Variants in RNF38 observed in about 807,000 individuals in gnomAD.
RNF38 encodes ring finger protein 38.
RNF38 carries 15 observed loss-of-function variants against 67.2 expected under a neutral mutation model. The observed-to-expected ratio is 0.22, with a 90% CI of 0.15 to 0.34. The LOEUF is 0.34. RNF38 is among the 10% of genes least tolerant of loss of function. The pLI is 1.00. For synonymous variants in RNF38, 220 were observed against 218.8 expected (o/e 1.01, Z -0.05); for missense variants, 524 against 639.9 (o/e 0.82, Z 1.95).
At chr9:36,345,432 T>C (rs1833157559) in intron 9 of RNF38, among the ~76,000 whole-genome samples, 1 of 152,200 alleles carries the variant, frequency 6.6e-6, no homozygotes. Context: ...GATAATTCTT[T>C]GTTGTCGGGG....
At chr9:36,452,571 T>C (rs926240212) in intron 1 of RNF38, among the ~76,000 whole-genome samples, 1 of 151,982 alleles carries the variant, frequency 6.6e-6, no homozygotes, top group African/African-American at 2.4e-5. Flanking sequence ...TCTCACTCTG[T>C]TGCCCAGGCT....
intron 2 of RNF38, among the ~76,000 whole-genome samples, chr9:36,378,227 A>T (rs1487996751): frequency 7.6e-6 from 1 of 131,176 alleles, no homozygotes; most frequent in Non-Finnish European, 1.5e-5. Context: ...CCCAGGCTGG[A>T]GTTCAGTGAC....
upstream of RNF38, among the ~76,000 whole-genome samples, chr9:36,404,769 C>T (rs1409958870): frequency 6.6e-6 from 1 of 152,074 alleles, no homozygotes; most frequent in East Asian, 1.9e-4. Flanking sequence ...ACTGGCTGTT[C>T]CATTTCTTTC....
chr9:36,371,302 G>A (rs1477273167), intron 3 of RNF38, among the ~76,000 whole-genome samples: 1 of 152,126 alleles, frequency 6.6e-6, no homozygotes, highest in Non-Finnish European at 1.5e-5. Flanking sequence ...AGGTGCTCTT[G>A]ATATTGTCCC....
At chr9:36,407,486 G>A (rs1838210772) in intron 2 of RNF38, among the ~76,000 whole-genome samples, 1 of 152,158 alleles carries the variant, frequency 6.6e-6, no homozygotes. Flanking sequence ...AAGTGCCTAG[G>A]ACAGCCAAGT....
chr9:36,421,247 A>G (rs757259788), intron 2 of RNF38, among the ~76,000 whole-genome samples: 26 of 152,246 alleles, frequency 1.7e-4, no homozygotes, highest in Non-Finnish European at 3.1e-4. Flanking sequence ...AGAATACCTA[A>G]GCAAATATTT....
At chr9:36,365,206 T>G (rs934299015) in intron 4 of RNF38, among the ~76,000 whole-genome samples, 4 of 134,940 alleles carry the variant, frequency 3.0e-5, no homozygotes, top group Non-Finnish European at 6.3e-5. Context: ...TTCTATTATG[T>G]GCCGCTTTTA....
chr9:36,419,376 T>C (rs1281100093), intron 2 of RNF38, among the ~76,000 whole-genome samples: 2 of 152,202 alleles, frequency 1.3e-5, no homozygotes, highest in Non-Finnish European at 1.5e-5. Context: ...TAAGGAATTC[T>C]TGTCAAGAAA....
At chr9:36,352,680 A>T in intron 8 of RNF38, 62 bp downstream of exon 8, 1 of 1,209,836 alleles carries the variant, frequency 8.3e-7, no homozygotes, top group Non-Finnish European at 1.2e-6. Context: ...AGACATTCAC[A>T]AAGGAAAGAG....
chr9:36,405,474 T>C (rs1179305574), upstream of RNF38, among the ~76,000 whole-genome samples: 1 of 152,190 alleles, frequency 6.6e-6, no homozygotes, highest in African/African-American at 2.4e-5. Context: ...CTGTGTTGAG[T>C]GAGTTTACCT....
chr9:36,356,311 A>G lies in RNF38; in HGVS notation c.901T>C (p.Ser301Pro), dbSNP rs769540748. 3 of 1,613,924 alleles carry G rather than the reference A, an allele frequency of 1.9e-6. No individual in the cohort carries two copies. The highest frequency in any genetic ancestry group is 2.7e-5 in the African/African-American group (2 of 74,904). The stretch of plus-strand genomic sequence containing the variant: ...ATAGTAGAGATACCTACCGATCGTG[A>G]TTGCTGTGTTTGGAAAGGGACAAAC... ...GQFVPFQTQQ[S>P]RSPLQRIENE... Residue 301 changes from serine to proline, a missense_variant, in exon 6 of 12, where the codon TCA becomes CCA. Transcript: ENST00000259605.
Position 36,336,756 on chromosome 9 carries a change from G to A in RNF38, c.*2996C>T, listed in dbSNP as rs1398583402. 2.0e-5 allele frequency: 3 copies of A among 152,426 alleles called. No individual in the cohort carries two copies. The highest frequency in any genetic ancestry group is 4.4e-5 in the Non-Finnish European group (3 of 68,002). The allele number at this position is 152,426 out of a possible 1,614,324, so 9.4% of individuals were successfully genotyped here. ...AAACAAACAGCTTTCTAATGAAAAG[G>A]CCCAAAGATAATCTGTGAAAAATAT... is the stretch of plus-strand genomic sequence containing the variant. On this transcript the variant is annotated 3_prime_UTR_variant, in exon 12 of 12. Transcript: ENST00000259605.
At chr9:36,401,072 C>T (rs1838001114), upstream of RNF38, 2 of 984,870 alleles carry the variant, frequency 2.0e-6, no homozygotes, top group African/African-American at 1.8e-5. Context: ...TCGCCCGTCC[C>T]ACCCCGTCCC....
chr9:36,438,658 T>C (rs1226125952), intron 1 of RNF38, among the ~76,000 whole-genome samples: 1 of 152,122 alleles, frequency 6.6e-6, no homozygotes, highest in African/African-American at 2.4e-5. Context: ...ACAAAAGACC[T>C]AGATAGGTTA....
intron 1 of RNF38, among the ~76,000 whole-genome samples, chr9:36,430,485 A>G (rs1413275647): frequency 6.6e-6 from 1 of 152,136 alleles, no homozygotes; most frequent in African/African-American, 2.4e-5. Context: ...GATTACAGGC[A>G]AGAGCTACTG....
intron 11 of RNF38, among the ~76,000 whole-genome samples, chr9:36,340,737 G>A (rs1170786798): frequency 6.6e-6 from 1 of 152,168 alleles, no homozygotes; most frequent in East Asian, 1.9e-4. Context: ...AAGCTTGATT[G>A]TAAAATAGGT....
rs1462336305 is a variant in RNF38 at position 36,390,408 on chromosome 9, G to GA, written c.162+58dup. 6 of 1,447,334 alleles carry GA rather than the reference G, an allele frequency of 4.1e-6. No individual in the cohort carries two copies. The African/African-American group carries it at 7.2e-5, about 17-fold the overall frequency. The allele number at this position is 1,447,334 out of a possible 1,614,324, so 89.7% of individuals were successfully genotyped here. A position where few individuals can be genotyped will look rare whatever the true frequency, so the allele number is the denominator to read the frequency against. On this transcript the variant is annotated intron_variant, in intron 2 of 11. Transcript: ENST00000259605. ...GGGCATTTTGTTTCAAGCCTTCCTA[G>GA]AAACACTGTAGAATGTGACTTTCAG...
chr9:36,418,871 G>A (rs1381588056), intron 2 of RNF38, among the ~76,000 whole-genome samples: 3 of 152,118 alleles, frequency 2.0e-5, no homozygotes, highest in African/African-American at 7.2e-5. Context: ...GCTGAGGCTG[G>A]AGAATTGCTT....
chr9:36,351,230 T>C (rs964093239), intron 8 of RNF38, 31 bp from the exon 9 acceptor site: 15 of 1,429,502 alleles, frequency 1.0e-5, no homozygotes, highest in Admixed American at 1.7e-5. Flanking sequence ...CTAGCATTGA[T>C]ATGTTAGTAC....
Sources: allele counts gnomAD v4.1 joint callset (sites outside exome capture counted in the v4.1 genomes callset), GRCh38; gene constraint gnomAD v4.1.1; transcripts MANE v1.5; gene names NCBI Gene and HGNC (gene_info 2026-07-23, HGNC 2026-07-21).